NF1: variants seen among roughly 807,000 people sequenced by gnomAD.
The protein encoded by NF1 is neurofibromin.
NF1 carries 122 observed loss-of-function variants against 325.7 expected under a neutral mutation model. That is an observed-to-expected ratio of 0.37 (90% CI 0.32 to 0.44). The LOEUF (loss-of-function observed/expected upper bound fraction) is 0.44. NF1 is among the 20% of genes least tolerant of loss of function. NF1 has a pLI of 1.00. For missense variants in NF1, 2,140 were observed against 3,415.4 expected, an observed-to-expected ratio of 0.63 and a Z score of 9.31; for synonymous variants, 1,091 against 1,186.0, an observed-to-expected ratio of 0.92 and a Z score of 1.65.
At chr17:31,144,620 C>G (rs910517884) in intron 1 of NF1, among the ~76,000 whole-genome samples, 4 of 152,008 alleles carry the variant, frequency 2.6e-5, no homozygotes, top group African/African-American at 9.7e-5. Context: ...TGGCCTCTCT[C>G]TCCACAATGG....
chr17:31,155,072 T>C (rs1002086773), intron 1 of NF1, among the ~76,000 whole-genome samples: 2 of 152,234 alleles, frequency 1.3e-5, no homozygotes, highest in African/African-American at 2.4e-5. Flanking sequence ...CATTATTAAC[T>C]GATTTAGCAA....
intron 36 of NF1, chr17:31,305,293 G>T: frequency 1.9e-6 from 3 of 1,614,162 alleles, no homozygotes; most frequent in South Asian, 1.1e-5. Context: ...TGGTTGTTTG[G>T]TGTTGTAGGC....
chr17:31,098,806 C>T (rs920281424), intron 1 of NF1, among the ~76,000 whole-genome samples: 1 of 151,772 alleles, frequency 6.6e-6, no homozygotes, highest in Non-Finnish European at 1.5e-5. Flanking sequence ...GTGGTGGGTG[C>T]CTGTAGTCCC....
intron 1 of NF1, among the ~76,000 whole-genome samples, chr17:31,146,450 T>TCCA (rs1916595463): frequency 6.7e-6 from 1 of 148,914 alleles, no homozygotes; most frequent in Non-Finnish European, 1.5e-5. Flanking sequence ...CATCCATCCA[T>TCCA]CCATCCATCC....
At chr17:31,368,075 T>C (rs1433567940) in intron 57 of NF1, among the ~76,000 whole-genome samples, 1 of 152,208 alleles carries the variant, frequency 6.6e-6, no homozygotes, top group African/African-American at 2.4e-5. Flanking sequence ...GTAATTAATA[T>C]ACAAAAAGAT....
At chr17:31,154,864 C>T (rs968070721) in intron 1 of NF1, among the ~76,000 whole-genome samples, 8 of 151,436 alleles carry the variant, frequency 5.3e-5, no homozygotes, top group Admixed American at 3.9e-4. Flanking sequence ...CTCAGCCTCC[C>T]GAGTAGCTTG....
intron 1 of NF1, among the ~76,000 whole-genome samples, chr17:31,113,406 C>T (rs1054336096): frequency 5.9e-5 from 9 of 152,124 alleles, no homozygotes; most frequent in African/African-American, 1.9e-4. Context: ...CCACCACGCT[C>T]GGCTCATTTT....
chr17:31,304,230 A>T (rs2068644324), intron 36 of NF1: 3 of 1,539,168 alleles, frequency 1.9e-6, no homozygotes, highest in African/African-American at 1.4e-5. Flanking sequence ...TCATTTGAGG[A>T]TGGAAGATCA....
chr17:31,245,150 G>T (rs1280778079), intron 29 of NF1, among the ~76,000 whole-genome samples: 1 of 152,146 alleles, frequency 6.6e-6, no homozygotes, highest in African/African-American at 2.4e-5. Context: ...GTAGGCAATT[G>T]TCAGGGTTTC....
chr17:31,336,594 A>G lies in NF1; in HGVS notation c.6148-41A>G, dbSNP rs746552996. 1 of 1,527,056 alleles carries G rather than the reference A, an allele frequency of 6.5e-7. No individual in the cohort carries two copies. Among genetic ancestry groups the G allele is most frequent in the Non-Finnish European group, 8.8e-7 (1 of 1,142,792 alleles). 94.6% of individuals were successfully genotyped at this position (1,527,056 alleles called of 1,614,324 possible). A position where few individuals can be genotyped will look rare whatever the true frequency, so the allele number is the denominator to read the frequency against. On this transcript the variant is annotated intron_variant, in intron 41 of 57. Transcript: ENST00000358273. The surrounding 1 kb of genome is among the most constrained non-coding windows in gnomAD (Gnocchi z 5.5). ...TTTTTGTGCTAAAACTTTGAGTCCC[A>G]TGTTTTTTTTTTTAAAAAAAAAAAT...
At chr17:31,182,729 T>G in intron 8 of NF1, 64 bp downstream of exon 8, 5 of 1,452,440 alleles carry the variant, frequency 3.4e-6, no homozygotes, top group Non-Finnish European at 4.8e-6. Flanking sequence ...ACTCAAGGTG[T>G]GTATTACTTT....
At chr17:31,230,159 A>G (rs1254690264) in intron 22 of NF1, 101 bp from the exon 23 acceptor site, 34 of 1,463,128 alleles carry the variant, frequency 2.3e-5, no homozygotes, top group Middle Eastern at 1.8e-4. Flanking sequence ...ATTGTTTTCA[A>G]ACTTACATTT....
At chr17:31,262,911 G>A (rs1239230962) in intron 35 of NF1, among the ~76,000 whole-genome samples, 1 of 152,066 alleles carries the variant, frequency 6.6e-6, no homozygotes, top group Admixed American at 6.6e-5. Flanking sequence ...GGCCAGACAT[G>A]GTGGCTAATA....
At chr17:31,345,703 T>C (rs2069958234) in intron 48 of NF1, 1 of 1,614,212 alleles carries the variant, frequency 6.2e-7, no homozygotes, top group African/African-American at 1.3e-5. Context: ...GAGAAAAGTC[T>C]TTTGGTTCCA....
intron 1 of NF1, among the ~76,000 whole-genome samples, chr17:31,097,151 G>T (rs1220771498): frequency 6.6e-6 from 1 of 152,002 alleles, no homozygotes; most frequent in Non-Finnish European, 1.5e-5. Flanking sequence ...ATTGGAAAAA[G>T]ATACTTAAGA....
chr17:31,339,788 A>G (rs1249709884), intron 46 of NF1, among the ~76,000 whole-genome samples: 1 of 152,230 alleles, frequency 6.6e-6, no homozygotes, highest in African/African-American at 2.4e-5. Flanking sequence ...GAGCAGCAAG[A>G]GATTACCATA....
chr17:31,337,771 C>G (rs2069714579), intron 43 of NF1, 48 bp from the exon 44 acceptor site: 2 of 1,579,080 alleles, frequency 1.3e-6, no homozygotes, highest in Non-Finnish European at 1.7e-6. Context: ...TTAAACAGTT[C>G]TAAAAACATT....
intron 57 of NF1, among the ~76,000 whole-genome samples, chr17:31,368,829 G>A (rs779817390): frequency 9.2e-5 from 14 of 152,162 alleles, no homozygotes; most frequent in Non-Finnish European, 2.1e-4. Flanking sequence ...AACTAAATAA[G>A]AATATTGATC....
At position 31,317,403 on chromosome 17, in the gene NF1, A is replaced by ACACACC. The variant is rs571315603; in HGVS notation, c.4836-8416_4836-8415insACACCC. 2.9e-3 allele frequency among the ~76,000 whole-genome samples: 423 copies of ACACACC among 147,278 alleles called. 3 individuals are homozygous for ACACACC. Among genetic ancestry groups the ACACACC allele is most frequent in the African/African-American group, 0.01 (402 of 38,630 alleles). ...CACACACACACACACACACACACAC[A>ACACACC]CCCCTAATAAATCATTAGGCTACTT... On this transcript the variant is annotated intron_variant, in intron 36 of 57. Transcript: ENST00000358273.
Sources: allele counts gnomAD v4.1 joint callset (sites outside exome capture counted in the v4.1 genomes callset), GRCh38; gene constraint gnomAD v4.1.1; non-coding constraint Gnocchi (gnomAD v3.1); transcripts MANE v1.5; gene names NCBI Gene and HGNC (gene_info 2026-07-23, HGNC 2026-07-21).